The following VPS26C variants were observed in gnomAD, a reference collection of about 807,000 sequenced individuals.
VPS26C encodes the protein vacuolar protein sorting-associated protein 26C.
Under a neutral mutation model 30.6 loss-of-function variants are expected in VPS26C, and 19 were observed. The ratio of observed to expected loss-of-function variants is 0.62; its 90% CI spans 0.43 to 0.91. VPS26C has a LOEUF of 0.91. VPS26C is among the 40% of genes least tolerant of loss of function. The pLI is 0.00. For missense variants in VPS26C, 318 were observed against 385.1 expected, an observed-to-expected ratio of 0.83 and a Z score of 1.46; for synonymous variants, 132 against 151.5, an observed-to-expected ratio of 0.87 and a Z score of 0.95.
chr21:37,265,135 G>A (rs1461212491), intron 1 of VPS26C, among the ~76,000 whole-genome samples: 1 of 152,194 alleles, frequency 6.6e-6, no homozygotes, highest in Non-Finnish European at 1.5e-5. Context: ...AGGAGGGAGG[G>A]GGAATGAGGA....
At chr21:37,265,983 T>A (rs1216229333) in intron 1 of VPS26C, among the ~76,000 whole-genome samples, 1 of 137,956 alleles carries the variant, frequency 7.2e-6, no homozygotes, top group Non-Finnish European at 1.5e-5. Flanking sequence ...AGTGGCACAA[T>A]CTCGTCTCAC....
chr21:37,253,993 G>A (rs538725905), intron 1 of VPS26C, among the ~76,000 whole-genome samples: 3 of 152,276 alleles, frequency 2.0e-5, no homozygotes, highest in Non-Finnish European at 2.9e-5. Flanking sequence ...GTTGACATTC[G>A]TTTGGAACTA....
chr21:37,225,344 G>A lies in VPS26C; in HGVS notation c.*200C>T, dbSNP rs1602258786. ...AAATCTTGTTGAATTTCAAAGAAAA[G>A]GTCTGATTAGAGGTGCCTGTTGGAA... On this transcript the variant is annotated 3_prime_UTR_variant, in exon 8 of 8. Transcript: ENST00000309117. The A allele has an allele frequency of 1.7e-6, 1 of 575,862 alleles. No homozygotes were observed. The highest frequency in any genetic ancestry group is 2.2e-5 in the South Asian group (1 of 45,498). 35.7% of individuals were successfully genotyped at this position (575,862 alleles called of 1,614,324 possible). A position where few individuals can be genotyped will look rare whatever the true frequency, so the allele number is the denominator to read the frequency against.
intron 5 of VPS26C, chr21:37,230,811 G>C (rs1478569665): frequency 6.6e-6 from 1 of 152,394 alleles, no homozygotes; most frequent in African/African-American, 2.4e-5. Flanking sequence ...CTGCCATCGG[G>C]CGGGGGCCTG....
chr21:37,235,683 G>A lies in VPS26C; in HGVS notation c.352-2241C>T, dbSNP rs576772197. On this transcript the variant is annotated intron_variant, in intron 3 of 7. Transcript: ENST00000309117. Reference sequence around the variant, plus strand: ...ACAAAGGGCAACTACGGAAGACTCTGATGATCATATGAAGTATCTAGTAAC... The same window carrying A: ...ACAAAGGGCAACTACGGAAGACTCTAATGATCATATGAAGTATCTAGTAAC... Among the ~76,000 whole-genome samples, 72 of 152,030 alleles carry A rather than the reference G, an allele frequency of 4.7e-4. No individual in the cohort carries two copies. In the South Asian group the frequency reaches 6.4e-3, roughly 14 times the overall value.
At chr21:37,234,110 G>A (rs2085995297) in intron 3 of VPS26C, among the ~76,000 whole-genome samples, 1 of 152,342 alleles carries the variant, frequency 6.6e-6, no homozygotes, top group Non-Finnish European at 1.5e-5. Context: ...CAAGCTCAAG[G>A]TCACACCTGG....
At chr21:37,258,430 G>A (rs1219539863) in intron 1 of VPS26C, among the ~76,000 whole-genome samples, 1 of 152,216 alleles carries the variant, frequency 6.6e-6, no homozygotes, top group Admixed American at 6.5e-5. Flanking sequence ...CATGCGCCGG[G>A]CATTCCCAGC....
chr21:37,232,563 A>C, intron 4 of VPS26C, 112 bp from the exon 5 acceptor site: 1 of 890,330 alleles, frequency 1.1e-6, no homozygotes, highest in Non-Finnish European at 1.8e-6. Context: ...TGCAGGAAGG[A>C]CGGGGAACTA....
intron 1 of VPS26C, among the ~76,000 whole-genome samples, chr21:37,252,060 A>G (rs1415923146): frequency 6.6e-6 from 1 of 152,168 alleles, no homozygotes. Context: ...ACCACCTGAG[A>G]TTCTGCCATC....
At chr21:37,260,903 C>G (rs959735077) in intron 1 of VPS26C, among the ~76,000 whole-genome samples, 1 of 152,122 alleles carries the variant, frequency 6.6e-6, no homozygotes, top group Non-Finnish European at 1.5e-5. Context: ...TTTATAATTA[C>G]GAAGCAAAAT....
chr21:37,267,720 A>G (rs1215611225), upstream of VPS26C: 13 of 235,278 alleles, frequency 5.5e-5, no homozygotes, highest in South Asian at 6.3e-4. Context: ...AGGAAGGATG[A>G]CGCTCCCGTC....
chr21:37,246,650 A>C (rs983403472), intron 1 of VPS26C, among the ~76,000 whole-genome samples: 1 of 152,174 alleles, frequency 6.6e-6, no homozygotes, highest in Non-Finnish European at 1.5e-5. Flanking sequence ...ACAATGTAGA[A>C]TGTAATCGAC....
chr21:37,259,624 T>G (rs1035269659), intron 1 of VPS26C, among the ~76,000 whole-genome samples: 1 of 152,110 alleles, frequency 6.6e-6, no homozygotes, highest in African/African-American at 2.4e-5. Context: ...TGCATTTGAG[T>G]CCAACTTTTT....
At chr21:37,225,887 T>A in intron 7 of VPS26C, 1 of 533,766 alleles carries the variant, frequency 1.9e-6, no homozygotes, top group South Asian at 2.4e-5. Context: ...TGATCAGGCT[T>A]CACCAACTAC....
At chr21:37,238,226 G>T (rs2086044968) in intron 3 of VPS26C, 1 of 500,964 alleles carries the variant, frequency 2.0e-6, no homozygotes, top group African/African-American at 2.0e-5. Context: ...AGAAGAAACA[G>T]AGGGAAAAGA....
rs941532515 is a variant in VPS26C, at chr21:37,224,606, G to C, written c.*938C>G. ...GTTCTTGAGACTTCAGAAACACTTC[G>C]GCACCAGCCAAATCCCCCCAAGAGA... On this transcript the variant is annotated 3_prime_UTR_variant, in exon 8 of 8. Transcript: ENST00000309117. The C allele has an allele frequency of 3.9e-5, 6 of 152,096 alleles. No homozygotes were observed. Among genetic ancestry groups the C allele is most frequent in the Admixed American group, 2.6e-4 (4 of 15,272 alleles). The allele number at this position is 152,096 out of a possible 1,614,324, so 9.4% of individuals were successfully genotyped here.
At chr21:37,264,886 T>A (rs1219657738) in intron 1 of VPS26C, among the ~76,000 whole-genome samples, 1 of 152,206 alleles carries the variant, frequency 6.6e-6, no homozygotes, top group Non-Finnish European at 1.5e-5. Context: ...ATAACTCCAA[T>A]GTCCATCAAG....
intron 1 of VPS26C, among the ~76,000 whole-genome samples, chr21:37,252,571 C>G (rs2086204286): frequency 6.6e-6 from 1 of 152,190 alleles, no homozygotes; most frequent in Non-Finnish European, 1.5e-5. Flanking sequence ...GACAATGCCA[C>G]TCAGCAACCC....
Position 37,227,776 on chromosome 21 carries a change from G to A in VPS26C, c.689C>T (p.Thr230Met), listed in dbSNP as rs145699076. Residue 230 changes from threonine (T) to methionine (M), a missense_variant, in exon 7 of 8, where the codon ACG becomes ATG. Thr to Met is a moderately conservative substitution (Grantham distance 81, BLOSUM62 -1). Transcript: ENST00000309117. ...GGCGATCTGAATGTTCTGAATCTCC[G>A]TGGCGTCGCGGGCATAGCCTTCTGC... ...GCAEGYARDATEIQNIQIADG... is the reference protein window; with the variant it reads ...GCAEGYARDAMEIQNIQIADG... 14 of 1,613,988 alleles carry A rather than the reference G, an allele frequency of 8.7e-6. No homozygotes were observed. Among genetic ancestry groups the A allele is most frequent in the East Asian group, 4.5e-5 (2 of 44,882 alleles).
Sources: allele counts gnomAD v4.1 joint callset (sites outside exome capture counted in the v4.1 genomes callset), GRCh38; gene constraint gnomAD v4.1.1; transcripts MANE v1.5; gene names NCBI Gene and HGNC (gene_info 2026-07-23, HGNC 2026-07-21).